Variants in CFAP57 observed in about 807,000 individuals in gnomAD.
CFAP57 encodes the protein cilia and flagella associated protein 57.
Under a neutral mutation model 146.8 loss-of-function variants are expected in CFAP57, and 116 were observed. The ratio of observed to expected loss-of-function variants is 0.79; its 90% confidence interval spans 0.68 to 0.92. CFAP57 has a LOEUF of 0.92. Among genes scored for constraint, CFAP57 ranks in the 40% least tolerant of loss-of-function variants. The pLI is 0.00. For synonymous variants in CFAP57, 518 were observed against 552.8 expected, an observed-to-expected ratio of 0.94 and a Z score of 0.88; for missense variants, 1,377 against 1,527.2, an observed-to-expected ratio of 0.90 and a Z score of 1.64.
intron 12 of CFAP57, among the ~76,000 whole-genome samples, chr1:43,215,959 A>G (rs540997823): frequency 6.6e-6 from 1 of 152,272 alleles, no homozygotes; most frequent in South Asian, 2.1e-4. Flanking sequence ...CCCCTCCCTT[A>G]ATCACTATAC....
intron 2 of CFAP57, among the ~76,000 whole-genome samples, chr1:43,180,238 T>TATATATATATATATATATATATAA (rs1363991276): frequency 2.2e-5 from 3 of 137,814 alleles, no homozygotes; most frequent in Admixed American, 8.0e-5. Context: ...TATATATATA[T>TATATATATATATATATATATATAA]AAAATATATA....
rs769804351 is a variant in CFAP57, at chr1:43,209,823, C to T, written c.1836C>T (p.Gly612=). ...ISHSGRMMFV[G]TSVGTIRAMK... ...ATTCTGGACGCATGATGTTTGTGGG[C>T]ACCTCGGTGGGAACCATTCGTGCCA... The change falls in exon 11 of 23, where the codon GGC becomes GGT. Residue 612 remains glycine (G), a synonymous_variant. Transcript: ENST00000372492. The T allele has an allele frequency of 6.2e-7, 1 of 1,614,094 alleles. No individual in the cohort carries two copies. The highest frequency in any genetic ancestry group is 1.3e-5 in the African/African-American group (1 of 74,916).
chr1:43,181,909 G>T, intron 3 of CFAP57, 59 bp downstream of exon 3: 2 of 1,567,428 alleles, frequency 1.3e-6, no homozygotes. Context: ...ACTTTTTATT[G>T]AATGTTTTCT....
rs1462404130 is a variant in CFAP57, at chr1:43,232,531, C to A, written c.3033C>A (p.Phe1011Leu). Residue 1011 changes from phenylalanine (F) to leucine (L), a missense_variant, in exon 19 of 23, where the codon TTC (phenylalanine) becomes TTA (leucine). By Grantham distance (22) the Phe-to-Leu change is conservative (BLOSUM62 0). Transcript: ENST00000372492. The stretch of plus-strand genomic sequence containing the variant: ...AGATGGAAGCTGAACTGGAGAATTT[C>A]CATAAGCAGAACACTCAACTGGAGC... ...IQEMEAELEN[F>L]HKQNTQLELN... 1 of 1,550,156 alleles carries A rather than the reference C, an allele frequency of 6.5e-7. No homozygotes were observed. Among genetic ancestry groups the A allele is most frequent in the Admixed American group, 2.0e-5 (1 of 50,996 alleles).
chr1:43,176,515 G>A (rs140793583), intron 2 of CFAP57, among the ~76,000 whole-genome samples: 26 of 152,280 alleles, frequency 1.7e-4, no homozygotes, highest in African/African-American at 5.8e-4. Flanking sequence ...ATGATGCTCA[G>A]CTTGTTCAGC....
At chr1:43,219,662 G>T in intron 13 of CFAP57, 125 bp downstream of exon 13, 2 of 1,223,846 alleles carry the variant, frequency 1.6e-6, no homozygotes, top group Non-Finnish European at 2.3e-6. Context: ...CAATTTTAAA[G>T]CATAGTCGTT....
Position 43,234,587 on chromosome 1 carries a change from G to A in CFAP57, c.3354G>A (p.Lys1118=), listed in dbSNP as rs1645612852. The change falls in exon 21 of 23, where the codon AAG becomes AAA. Residue 1118 remains lysine, a synonymous_variant. Transcript: ENST00000372492. The part of the protein sequence containing the change: ...LERNLATLKK[K]VVKEGELHRT... ...GGAACCTGGCCACTCTCAAGAAGAA[G>A]GTGGTCAAGGAGGGCGAGCTGCACC... 1 of 1,550,496 alleles carries A rather than the reference G, an allele frequency of 6.4e-7. No homozygotes were observed. The highest frequency in any genetic ancestry group is 8.7e-7 in the Non-Finnish European group (1 of 1,146,956).
chr1:43,234,684 A>C, intron 21 of CFAP57, 46 bp downstream of exon 21: 1 of 1,520,004 alleles, frequency 6.6e-7, no homozygotes, highest in Non-Finnish European at 8.9e-7. Context: ...AAGCCATCCA[A>C]GATGAGAGAT....
At position 43,222,127 on chromosome 1, in the gene CFAP57, G is replaced by A; in HGVS notation, c.2364G>A (p.Leu788=). The A allele has an allele frequency of 2.6e-6, 4 of 1,547,582 alleles. No homozygotes were observed. Among genetic ancestry groups the A allele is most frequent in the Non-Finnish European group, 3.5e-6 (4 of 1,145,380 alleles). Residue 788 remains leucine (L), a synonymous_variant, in exon 15 of 23, where the codon TTG becomes TTA. Transcript: ENST00000372492. ...QDMECCNNQK[L]LLEYEKYQEL... ...CAGAATGTTGCAACAACCAAAAGTT[G>A]CTTCTAGAATATGAGAAGTACCAGG...
intron 18 of CFAP57, among the ~76,000 whole-genome samples, chr1:43,230,990 A>G (rs993129666): frequency 6.6e-6 from 1 of 152,176 alleles, no homozygotes; most frequent in African/African-American, 2.4e-5. Flanking sequence ...AGGTGGTTCT[A>G]TATAACTCTG....
At chr1:43,216,282 G>A (rs1644830275) in intron 12 of CFAP57, among the ~76,000 whole-genome samples, 1 of 152,158 alleles carries the variant, frequency 6.6e-6, no homozygotes, top group African/African-American at 2.4e-5. Context: ...AAAGCCATCA[G>A]AGCAGCAATA....
At chr1:43,213,249 G>A (rs1045740408) in intron 11 of CFAP57, among the ~76,000 whole-genome samples, 12 of 152,090 alleles carry the variant, frequency 7.9e-5, no homozygotes, top group East Asian at 3.9e-4. Flanking sequence ...CATCATGCCC[G>A]ACTAGGGTCA....
chr1:43,236,853 G>A (rs1274052505), intron 21 of CFAP57, among the ~76,000 whole-genome samples: 2 of 151,240 alleles, frequency 1.3e-5, no homozygotes, highest in Non-Finnish European at 2.9e-5. Flanking sequence ...AGCTTGCAGT[G>A]AGCCAAGATC....
chr1:43,206,077 C>G (rs1644345294), intron 9 of CFAP57, among the ~76,000 whole-genome samples: 1 of 152,136 alleles, frequency 6.6e-6, no homozygotes, highest in Non-Finnish European at 1.5e-5. Context: ...CTCAGCCTCC[C>G]CAGTTCAAAC....
intron 21 of CFAP57, 138 bp from the exon 22 acceptor site, chr1:43,243,089 G>A (rs1645987608): frequency 9.7e-7 from 1 of 1,026,062 alleles, no homozygotes; most frequent in Non-Finnish European, 1.3e-6. Flanking sequence ...AAAGGCTCAG[G>A]CCCCAATAGA....
chr1:43,212,473 G>A (rs1644657092), intron 11 of CFAP57, among the ~76,000 whole-genome samples: 1 of 152,146 alleles, frequency 6.6e-6, no homozygotes, highest in East Asian at 1.9e-4. Flanking sequence ...TACAGTCATA[G>A]AGCATGTAAT....
chr1:43,245,292 A>G (rs1000760328), intron 22 of CFAP57, among the ~76,000 whole-genome samples: 1 of 149,550 alleles, frequency 6.7e-6, no homozygotes, highest in African/African-American at 2.5e-5. Flanking sequence ...ACGCCACTAC[A>G]CTCCAGTCTA....
Position 43,209,822 on chromosome 1 carries a change from G to T in CFAP57, c.1835G>T (p.Gly612Val). Residue 612 changes from glycine (G) to valine (V), a missense_variant, in exon 11 of 23, where the codon GGC becomes GTC. Transcript: ENST00000372492. Reference protein sequence around the residue: ...ISHSGRMMFVGTSVGTIRAMK... With the variant: ...ISHSGRMMFVVTSVGTIRAMK... ...CATTCTGGACGCATGATGTTTGTGG[G>T]CACCTCGGTGGGAACCATTCGTGCC... 1 of 1,614,178 alleles carries T rather than the reference G, an allele frequency of 6.2e-7. No individual in the cohort carries two copies. Among genetic ancestry groups the T allele is most frequent in the Non-Finnish European group, 8.5e-7 (1 of 1,180,036 alleles).
intron 21 of CFAP57, among the ~76,000 whole-genome samples, chr1:43,241,885 C>A (rs3862226): frequency 0.34 from 51,809 of 151,916 alleles, 10,211 homozygotes; most frequent in East Asian, 0.58. Context: ...TCTCTTTGGG[C>A]CCTTGGGGAT....
Sources: gnomAD v4.1 joint callset for allele counts (sites outside exome capture counted in the v4.1 genomes callset) on GRCh38, gnomAD v4.1.1 for gene constraint, MANE v1.5 for transcripts, NCBI Gene and HGNC (gene_info 2026-07-23, HGNC 2026-07-21) for gene names.